The following DCLK1 variants were observed in gnomAD, a reference collection of about 807,000 sequenced individuals.
The protein encoded by DCLK1 is serine/threonine-protein kinase DCLK1.
A neutral mutation model predicts 86.2 loss-of-function variants in DCLK1; 16 were observed. That is an observed-to-expected ratio of 0.19 (90% CI 0.13 to 0.28). DCLK1 has a LOEUF of 0.28. Ranked by LOEUF, DCLK1 falls within the 10% of genes least tolerant of loss-of-function variation. The pLI, the probability that DCLK1 is intolerant of heterozygous loss-of-function variation, is 1.00. For missense variants in DCLK1, 590 were observed against 940.2 expected (o/e 0.63, Z 4.87); for synonymous variants, 369 against 370.5 (o/e 1.00, Z 0.05).
At chr13:35,923,689 T>G (rs1027656267) in intron 4 of DCLK1, among the ~76,000 whole-genome samples, 1 of 152,110 alleles carries the variant, frequency 6.6e-6, no homozygotes, top group Admixed American at 6.5e-5. Flanking sequence ...GAAAAATATT[T>G]CCCTGCTATC....
intron 4 of DCLK1, among the ~76,000 whole-genome samples, chr13:35,918,347 G>C (rs751528966): frequency 6.6e-6 from 1 of 152,348 alleles, no homozygotes; most frequent in Non-Finnish European, 1.5e-5. Context: ...CTGTGAGGTT[G>C]TGTGGATTCA....
intron 4 of DCLK1, among the ~76,000 whole-genome samples, chr13:35,879,937 T>C (rs921622506): frequency 6.6e-6 from 1 of 152,058 alleles, no homozygotes; most frequent in African/African-American, 2.4e-5. Context: ...TTCCCAAATG[T>C]CCTCTGAGGG....
intron 4 of DCLK1, among the ~76,000 whole-genome samples, chr13:35,890,307 T>A (rs947978060): frequency 6.6e-6 from 1 of 152,164 alleles, no homozygotes; most frequent in Non-Finnish European, 1.5e-5. Flanking sequence ...TGTGTGTATG[T>A]GTTTTCCGGT....
intron 16 of DCLK1, among the ~76,000 whole-genome samples, chr13:35,792,674 ATGAG>A (rs1341534573): frequency 2.0e-5 from 3 of 152,228 alleles, no homozygotes; most frequent in African/African-American, 7.2e-5. Context: ...ACCAGGAAGT[ATGAG>A]GTTTCATTAT....
chr13:35,898,391 T>C (rs1483253907), intron 4 of DCLK1, among the ~76,000 whole-genome samples: 1 of 152,232 alleles, frequency 6.6e-6, no homozygotes, highest in African/African-American at 2.4e-5. Context: ...GTCTTGCAAG[T>C]ATGCATTTAA....
chr13:35,852,872 G>C (rs1192882797), intron 6 of DCLK1, among the ~76,000 whole-genome samples: 1 of 152,118 alleles, frequency 6.6e-6, no homozygotes, highest in African/African-American at 2.4e-5. Flanking sequence ...CAACAACTAA[G>C]CATAAACGAC....
chr13:35,882,953 C>T (rs944716062), intron 4 of DCLK1, among the ~76,000 whole-genome samples: 2 of 152,102 alleles, frequency 1.3e-5, no homozygotes, highest in African/African-American at 2.4e-5. Context: ...GATGTGACAG[C>T]GAGTGGCTGA....
intron 3 of DCLK1, among the ~76,000 whole-genome samples, chr13:36,053,585 G>C (rs1176641690): frequency 6.6e-6 from 1 of 151,730 alleles, no homozygotes; most frequent in Non-Finnish European, 1.5e-5. Flanking sequence ...ACATAGACAA[G>C]TGTGACATAT....
chr13:35,978,501 C>A (rs1879471018), intron 3 of DCLK1, among the ~76,000 whole-genome samples: 1 of 152,110 alleles, frequency 6.6e-6, no homozygotes, highest in African/African-American at 2.4e-5. Context: ...CCACCGTGCC[C>A]GGTCTAGAAT....
At chr13:35,966,397 T>C (rs983151412) in intron 3 of DCLK1, among the ~76,000 whole-genome samples, 3 of 152,120 alleles carry the variant, frequency 2.0e-5, no homozygotes, top group Admixed American at 1.3e-4. Flanking sequence ...AAATATTCAT[T>C]GATGGATGAA....
intron 4 of DCLK1, among the ~76,000 whole-genome samples, chr13:35,905,021 G>A (rs1874601424): frequency 2.6e-5 from 4 of 152,118 alleles, no homozygotes; most frequent in Admixed American, 2.0e-4. Flanking sequence ...TTTCCACCAG[G>A]GCAGGAGCCT....
At chr13:35,867,423 T>C (rs1294793246) in intron 5 of DCLK1, among the ~76,000 whole-genome samples, 3 of 152,192 alleles carry the variant, frequency 2.0e-5, no homozygotes, top group South Asian at 2.1e-4. Flanking sequence ...ATGATACTAC[T>C]TGGTATGACT....
In DCLK1 at chr13:36,013,983, G is replaced by A. The variant is rs545399377; in HGVS notation, c.724-66526C>T. On this transcript the variant is annotated intron_variant, in intron 3 of 16. Transcript: ENST00000360631. ...AGCACAATATTCGCCAGGTGCGTCC[G>A]TCACCCCTTTCTTTGACTCGGAAAG... Among the ~76,000 whole-genome samples, 16 of 152,186 alleles carry A rather than the reference G, an allele frequency of 1.1e-4. No individual in the cohort carries two copies. In the South Asian group the frequency reaches 1.2e-3, roughly 12 times the overall value.
At chr13:36,093,746 C>T (rs2138143707) in intron 3 of DCLK1, among the ~76,000 whole-genome samples, 1 of 151,938 alleles carries the variant, frequency 6.6e-6, no homozygotes, top group African/African-American at 2.4e-5. Flanking sequence ...ATAATTTTGA[C>T]ATTTTTTAGT....
At chr13:35,851,383 C>A (rs1465163143) in intron 6 of DCLK1, among the ~76,000 whole-genome samples, 1 of 152,142 alleles carries the variant, frequency 6.6e-6, no homozygotes, top group Non-Finnish European at 1.5e-5. Flanking sequence ...CTCTCCTTTC[C>A]TACCTCCCCT....
At chr13:35,783,985 G>A (rs1566529524) in intron 16 of DCLK1, among the ~76,000 whole-genome samples, 1 of 152,198 alleles carries the variant, frequency 6.6e-6, no homozygotes, top group African/African-American at 2.4e-5. Flanking sequence ...TTAGCAAAAG[G>A]TGTGTTGATA....
intron 3 of DCLK1, among the ~76,000 whole-genome samples, chr13:36,084,515 A>T (rs1198547630): frequency 6.6e-6 from 1 of 151,808 alleles, no homozygotes; most frequent in African/African-American, 2.4e-5. Flanking sequence ...CTGACAGCAC[A>T]GAAGTGAAAA....
At chr13:35,863,479 A>C (rs1871547156) in intron 5 of DCLK1, among the ~76,000 whole-genome samples, 1 of 152,362 alleles carries the variant, frequency 6.6e-6, no homozygotes, top group Non-Finnish European at 1.5e-5. Flanking sequence ...TTTGAAGAGT[A>C]TCTTTGGAGG....
intron 4 of DCLK1, among the ~76,000 whole-genome samples, chr13:35,925,569 T>C (rs1045429528): frequency 3.3e-5 from 5 of 152,256 alleles, no homozygotes; most frequent in Non-Finnish European, 7.3e-5. Flanking sequence ...TTTCTTGGGC[T>C]ACAAAATAGG....
Sources: gnomAD v4.1 joint callset for allele counts (sites outside exome capture counted in the v4.1 genomes callset) on GRCh38, gnomAD v4.1.1 for gene constraint, MANE v1.5 for transcripts, NCBI Gene and HGNC (gene_info 2026-07-23, HGNC 2026-07-21) for gene names.